The following LIME1 variants were observed in gnomAD, a reference collection of about 807,000 sequenced individuals.
LIME1 encodes lck-interacting transmembrane adapter 1.
Under a neutral mutation model 18.8 loss-of-function variants are expected in LIME1, and 23 were observed. That is an observed-to-expected ratio of 1.22 (90% CI 0.88 to 1.73). LIME1 has a LOEUF of 1.73. LIME1 is among the 40% of genes most tolerant of loss of function. The probability of loss-of-function intolerance (pLI) is 0.00; values close to 1 mark genes in which losing one functional copy is unlikely to be tolerated. For missense variants in LIME1, 423 were observed against 396.8 expected (o/e 1.07, Z -0.56); for synonymous variants, 177 against 182.3 (o/e 0.97, Z 0.23).
In LIME1 at chr20:63,738,630, T is replaced by A; in HGVS notation, c.618T>A (p.Pro206=). ...TCCTGTACTCCAGGGTCTGCAAGCCTAAAAGGAGGGACCCAGGACCCACCA... is the reference window on the plus strand; with the variant it reads ...TCCTGTACTCCAGGGTCTGCAAGCCAAAAAGGAGGGACCCAGGACCCACCA... ...VDVLYSRVCK[P]KRRDPGPTTD... is the part of the protein sequence containing the mutation. Residue 206 remains proline (P), a synonymous_variant, in exon 6 of 6, where the codon CCT becomes CCA. Transcript: ENST00000309546. 3 of 1,587,292 alleles carry A rather than the reference T, an allele frequency of 1.9e-6. No homozygotes were observed. Among genetic ancestry groups the A allele is most frequent in the Non-Finnish European group, 2.6e-6 (3 of 1,167,390 alleles).
Position 63,737,978 on chromosome 20 carries a change from A to G in LIME1, c.186A>G (p.Leu62=), listed in dbSNP as rs2092014100. 6.4e-7 allele frequency: 1 copy of G among 1,570,982 alleles called. No individual in the cohort carries two copies. ...CCAGCCTTCCTCGCCCCCAGTCCCT[A>G]CTGAGGCGGACCCACCTCTGCTCCC... ...QGSATAAEAS[L]LRRTHLCSLS... Residue 62 remains leucine (L), a synonymous_variant, in exon 4 of 6, where the codon CTA becomes CTG. Transcript: ENST00000309546.
chr20:63,738,058 G>C lies in LIME1; in HGVS notation c.266G>C (p.Arg89Thr). ...CTGCACCGGGGCCCGCGCAGCAGCAGGGGTGAGCAGAGGGCGGGGCGGGGG... is the reference window on the plus strand; with the variant it reads ...CTGCACCGGGGCCCGCGCAGCAGCACGGGTGAGCAGAGGGCGGGGCGGGGG... ...HELHRGPRSS[R>T]ALRPASMDLL... The change falls in exon 4 of 6, where the codon AGG becomes ACG. Residue 89 changes from arginine (R) to threonine (T), a missense_variant and splice_region_variant. By Grantham distance (71) the Arg-to-Thr change is moderately conservative (BLOSUM62 -1). Coordinates refer to ENST00000309546, the MANE Select transcript of LIME1 (RefSeq NM_017806.4). 2 of 1,465,280 alleles carry C rather than the reference G, an allele frequency of 1.4e-6. No homozygotes were observed. The highest frequency in any genetic ancestry group is 1.8e-6 in the Non-Finnish European group (2 of 1,093,706). 90.8% of individuals were successfully genotyped at this position (1,465,280 alleles called of 1,614,324 possible). A position where few individuals can be genotyped will look rare whatever the true frequency, so the allele number is the denominator to read the frequency against.
chr20:63,736,651 G>T (rs540997769), upstream of LIME1: 12 of 985,856 alleles, frequency 1.2e-5, no homozygotes, highest in Non-Finnish European at 1.4e-5. Context: ...TCAGCCGAGG[G>T]CTGCACAAAG....
chr20:63,736,757 G>T, intron 1 of LIME1, 45 bp downstream of exon 1: 1 of 985,784 alleles, frequency 1.0e-6, no homozygotes, highest in Non-Finnish European at 1.2e-6. Flanking sequence ...GAGGCCTTGG[G>T]ATGTGGCTGC....
intron 2 of LIME1, 21 bp from the exon 3 acceptor site, chr20:63,737,799 GC>G (rs753499833): frequency 1.5e-5 from 10 of 672,802 alleles, no homozygotes; most frequent in South Asian, 2.2e-5. Flanking sequence ...CCCGCCCCCC[GC>G]CCCCCACCTC....
In LIME1 at chr20:63,738,069, A is replaced by AGGGGG. The variant is rs1568808047; in HGVS notation, c.268+12_268+13insGGGGG. The AGGGGG allele has an allele frequency of 7.8e-6, 7 of 902,892 alleles. No homozygotes were observed. The highest frequency in any genetic ancestry group is 1.6e-5 in the South Asian group (1 of 64,500). 55.9% of individuals were successfully genotyped at this position (902,892 alleles called of 1,614,324 possible). A position where few individuals can be genotyped will look rare whatever the true frequency, so the allele number is the denominator to read the frequency against. On this transcript the variant is annotated intron_variant, in intron 4 of 5. Coordinates refer to ENST00000309546, the MANE Select transcript of LIME1 (RefSeq NM_017806.4). Reference sequence around the variant, plus strand: ...CCCGCGCAGCAGCAGGGGTGAGCAGAGGGCGGGGCGGGGGCGGCCGGGCGG... The same window carrying AGGGGG: ...CCCGCGCAGCAGCAGGGGTGAGCAGAGGGGGGGGCGGGGCGGGGGCGGCCGGGCGG...
chr20:63,738,396 G>T lies in LIME1; in HGVS notation c.482G>T (p.Ser161Ile), dbSNP rs752620750. ...AALPGVSLAA[S>I]PVVAEYARVQ... ...CTTCCCGGGGTCAGCCTGGCGGCCA[G>T]CCCTGTGGTGGCCGAGTATGCCCGC... Residue 161 changes from serine to isoleucine, a missense_variant, in exon 5 of 6, where the codon AGC becomes ATC. Physicochemically the swap from Ser to Ile is moderately radical, Grantham distance 142. Coordinates refer to ENST00000309546, the MANE Select transcript of LIME1 (RefSeq NM_017806.4). The T allele has an allele frequency of 2.6e-6, 4 of 1,550,766 alleles. No individual in the cohort carries two copies. Among genetic ancestry groups the T allele is most frequent in the Non-Finnish European group, 3.5e-6 (4 of 1,148,540 alleles).
Position 63,738,754 on chromosome 20 carries a change from G to A in LIME1, c.742G>A (p.Gly248Ser), listed in dbSNP as rs762774382. The change falls in exon 6 of 6, where the codon GGC (glycine) becomes AGC (serine). Residue 248 changes from glycine to serine, a missense_variant. Gly to Ser is a moderately conservative substitution (Grantham distance 56). Transcript: ENST00000309546. ...GCTCAGGGCCCTGGATGTGGACAGC[G>A]GCCCCCTGGAAAACGTGTATGAGAG... ...LPLRALDVDS[G>S]PLENVYESIR... 1 of 1,613,060 alleles carries A rather than the reference G, an allele frequency of 6.2e-7. No individual in the cohort carries two copies. The highest frequency in any genetic ancestry group is 1.1e-5 in the South Asian group (1 of 91,086).
In LIME1 at chr20:63,736,882, G is replaced by A. The variant is rs1033552060; in HGVS notation, c.-18+170G>A. The A allele has an allele frequency of 1.0e-5, 10 of 986,250 alleles. No individual in the cohort carries two copies. In the South Asian group the frequency reaches 1.4e-4, roughly 14 times the overall value. The allele number at this position is 986,250 out of a possible 1,614,324, so 61.1% of individuals were successfully genotyped here. On this transcript the variant is annotated intron_variant, in intron 1 of 5. Transcript: ENST00000309546. ...TCTGTCTCTGCTGCTGGACTGTGCT[G>A]TTTGTAAGGCATCCCCCACCCCGAG...
intron 4 of LIME1, 24 bp downstream of exon 4, chr20:63,738,084 C>CGGGGGA: frequency 6.6e-7 from 1 of 1,512,844 alleles, no homozygotes; most frequent in Non-Finnish European, 8.9e-7. Flanking sequence ...GGGGCGGGGG[C>CGGGGGA]GGCCGGGCGG....
At position 63,738,288 on chromosome 20, in the gene LIME1, T is replaced by A. The variant is rs746088766; in HGVS notation, c.374T>A (p.Leu125Gln). Residue 125 changes from leucine to glutamine, a missense_variant, in exon 5 of 6, where the codon CTG (leucine) becomes CAG (glutamine). Coordinates refer to ENST00000309546, the MANE Select transcript of LIME1 (RefSeq NM_017806.4). ...AAPSAFPHQE[L>Q]PRALPAAAAT... Reference sequence around the variant, plus strand: ...CCCTCTGCCTTCCCACACCAGGAGCTGCCCCGGGCTCTGCCGGCAGCTGCA... The same window carrying A: ...CCCTCTGCCTTCCCACACCAGGAGCAGCCCCGGGCTCTGCCGGCAGCTGCA... 2.5e-5 allele frequency: 39 copies of A among 1,573,592 alleles called. No individual in the cohort carries two copies. In the East Asian group the frequency reaches 7.9e-4, roughly 32 times the overall value.
Position 63,737,892 on chromosome 20 carries a change from C to A in LIME1, c.170C>A (p.Ala57Glu). Residue 57 changes from alanine to glutamate, a missense_variant, in exon 3 of 6, where the codon GCG becomes GAG. Ala to Glu is a moderately radical substitution (Grantham distance 107). Coordinates refer to ENST00000309546, the MANE Select transcript of LIME1 (RefSeq NM_017806.4). ...GCGAGGCTGCAGGGCAGTGCGACGG[C>A]GGCGGAAGCGGTGAGTGCCAGGCTG... ...QRARLQGSAT[A>E]AEASLLRRTH... is the part of the protein sequence containing the mutation. The A allele has an allele frequency of 6.3e-7, 1 of 1,579,596 alleles. No homozygotes were observed. The highest frequency in any genetic ancestry group is 1.7e-5 in the Admixed American group (1 of 57,398).
chr20:63,737,378 G>T, intron 1 of LIME1, 155 bp from the exon 2 acceptor site: 2 of 1,342,852 alleles, frequency 1.5e-6, no homozygotes, highest in Non-Finnish European at 9.5e-7. Flanking sequence ...CCTCTGGGAG[G>T]GAGGGACTGC....
chr20:63,736,348 G>A (rs904141270), upstream of LIME1: 2 of 181,334 alleles, frequency 1.1e-5, no homozygotes, highest in South Asian at 1.0e-4. Flanking sequence ...TGCTCCAGCG[G>A]GCGAGACGGG....
At chr20:63,736,497 T>G, upstream of LIME1, 1 of 430,088 alleles carries the variant, frequency 2.3e-6, no homozygotes, top group Non-Finnish European at 3.1e-6. Flanking sequence ...GTCAGAACAG[T>G]GCGGGCTAGA....
In LIME1 at chr20:63,738,290, C is replaced by T. The variant is rs1050244088; in HGVS notation, c.376C>T (p.Pro126Ser). Residue 126 changes from proline to serine, a missense_variant, in exon 5 of 6, where the codon CCC becomes TCC. Transcript: ENST00000309546. ...APSAFPHQELPRALPAAAATA... is the reference protein window; with the variant it reads ...APSAFPHQELSRALPAAAATA... ...CTCTGCCTTCCCACACCAGGAGCTG[C>T]CCCGGGCTCTGCCGGCAGCTGCAGC... The T allele has an allele frequency of 1.9e-6, 3 of 1,573,278 alleles. No individual in the cohort carries two copies. The highest frequency in any genetic ancestry group is 2.6e-6 in the Non-Finnish European group (3 of 1,163,892).
At chr20:63,736,476 T>G, upstream of LIME1, 1 of 312,844 alleles carries the variant, frequency 3.2e-6, no homozygotes, top group Non-Finnish European at 4.7e-6. Context: ...GGAGGGGTTG[T>G]GAGTTAGGCT....
upstream of LIME1, chr20:63,735,984 T>G: frequency 6.4e-7 from 1 of 1,562,224 alleles, no homozygotes; most frequent in African/African-American, 1.4e-5. Flanking sequence ...GGAAGACCAG[T>G]GTTGCCCGAG....
At position 63,738,237 on chromosome 20, in the gene LIME1, G is replaced by T. The variant is rs765554112; in HGVS notation, c.323G>T (p.Arg108Met). 1 of 1,591,534 alleles carries T rather than the reference G, an allele frequency of 6.3e-7. No homozygotes were observed. Among genetic ancestry groups the T allele is most frequent in the South Asian group, 1.1e-5 (1 of 88,518 alleles). The stretch of plus-strand genomic sequence containing the variant: ...CGCCCACACTGGCTGGAGGTGTCCA[G>T]GGACATCACCGGACCGCAGGCAGCC... The part of the protein sequence containing the change: ...LLRPHWLEVS[R>M]DITGPQAAPS... The change falls in exon 5 of 6, where the codon AGG (arginine) becomes ATG (methionine). Residue 108 changes from arginine (R) to methionine (M), a missense_variant. Arg to Met is a moderately conservative substitution (Grantham distance 91). Coordinates refer to ENST00000309546, the MANE Select transcript of LIME1 (RefSeq NM_017806.4).
Sources: gnomAD v4.1 joint callset for allele counts on GRCh38, gnomAD v4.1.1 for gene constraint, MANE v1.5 for transcripts, NCBI Gene and HGNC (gene_info 2026-07-23, HGNC 2026-07-21) for gene names.